Variants in SAMTOR observed in about 807,000 individuals in gnomAD.
SAMTOR encodes the protein S-adenosylmethionine sensor upstream of mTORC1, also known as UPF0532 protein C7orf60.
chr7:112,912,072 A>G, the SAMTOR span, among the ~76,000 whole-genome samples: 1 of 84,184 alleles, frequency 1.2e-5, no homozygotes, highest in East Asian at 2.3e-4. Context: ...TTTTGAAGAC[A>G]GAAAAATCTG....
the SAMTOR span, among the ~76,000 whole-genome samples, chr7:112,900,294 A>C: frequency 0.39 from 58,894 of 151,974 alleles, 13,645 homozygotes; most frequent in African/African-American, 0.65. Context: ...TGGTCCAAGT[A>C]CAAAAAGGCT....
the SAMTOR span, among the ~76,000 whole-genome samples, chr7:112,877,240 C>G: frequency 6.6e-6 from 1 of 152,160 alleles, no homozygotes; most frequent in Non-Finnish European, 1.5e-5. Context: ...CAGATGTGGA[C>G]TTTACTTCCA....
At chr7:112,893,234 G>A in the SAMTOR span, among the ~76,000 whole-genome samples, 10,091 of 152,276 alleles carry the variant, frequency 0.066, 506 homozygotes, top group Non-Finnish European at 0.1. Context: ...ACTCCTAAAA[G>A]GCGCCTTCTT....
the SAMTOR span, among the ~76,000 whole-genome samples, chr7:112,839,570 T>C: frequency 4.6e-5 from 7 of 151,892 alleles, no homozygotes; most frequent in Admixed American, 4.6e-4. Context: ...GAGAACCCAA[T>C]ATCACCTATG....
At chr7:112,924,199 TA>T in the SAMTOR span, among the ~76,000 whole-genome samples, 5 of 150,198 alleles carry the variant, frequency 3.3e-5, no homozygotes, top group South Asian at 2.1e-4. Context: ...ATAATAATAA[TA>T]AAAAAAAGAA....
At chr7:112,939,775 G>T in the SAMTOR span, 2 of 1,539,654 alleles carry the variant, frequency 1.3e-6, no homozygotes, top group Non-Finnish European at 1.8e-6. Flanking sequence ...CGCCGCCGCC[G>T]CCCCTCAGGC....
At chr7:112,869,513 A>G in the SAMTOR span, among the ~76,000 whole-genome samples, 1 of 152,124 alleles carries the variant, frequency 6.6e-6, no homozygotes, top group African/African-American at 2.4e-5. Context: ...ATGAAATCAA[A>G]TGATCATATT....
At chr7:112,881,565 C>T in the SAMTOR span, among the ~76,000 whole-genome samples, 2 of 152,178 alleles carry the variant, frequency 1.3e-5, no homozygotes, top group Non-Finnish European at 2.9e-5. Context: ...CAGGTCTCCT[C>T]GACTCATTGG....
At chr7:112,923,389 C>CT in the SAMTOR span, among the ~76,000 whole-genome samples, 8 of 152,108 alleles carry the variant, frequency 5.3e-5, no homozygotes, top group African/African-American at 1.9e-4. Flanking sequence ...CCTTTGTTCA[C>CT]TTGTTTATCT....
chr7:112,918,976 T>C, the SAMTOR span, among the ~76,000 whole-genome samples: 2 of 152,154 alleles, frequency 1.3e-5, no homozygotes, highest in African/African-American at 4.8e-5. Context: ...CAAAGAGACT[T>C]AGACTCCCAC....
chr7:112,919,711 TAAAG>T, the SAMTOR span, among the ~76,000 whole-genome samples: 1 of 150,402 alleles, frequency 6.6e-6, no homozygotes, highest in East Asian at 1.9e-4. Context: ...GCAAGACTAA[TAAAG>T]AAGAAAAGAG....
the SAMTOR span, among the ~76,000 whole-genome samples, chr7:112,848,235 A>C: frequency 6.6e-6 from 1 of 152,194 alleles, no homozygotes; most frequent in Non-Finnish European, 1.5e-5. Context: ...AGCTATTGAA[A>C]CTTTCTCAGT....
the SAMTOR span, among the ~76,000 whole-genome samples, chr7:112,851,673 A>G: frequency 6.6e-6 from 1 of 152,170 alleles, no homozygotes; most frequent in African/African-American, 2.4e-5. Flanking sequence ...GGGACTTAAA[A>G]GCTTCTGCAC....
chr7:112,925,311 CT>C, the SAMTOR span, among the ~76,000 whole-genome samples: 1 of 151,998 alleles, frequency 6.6e-6, no homozygotes, highest in Non-Finnish European at 1.5e-5. Context: ...TCTAGAAGGC[CT>C]TTTTTTGAAC....
At chr7:112,835,813 T>C in the SAMTOR span, among the ~76,000 whole-genome samples, 6 of 152,232 alleles carry the variant, frequency 3.9e-5, no homozygotes, top group Admixed American at 6.5e-5. Context: ...AAGGACATGA[T>C]TTCATTCTTT....
the SAMTOR span, among the ~76,000 whole-genome samples, chr7:112,911,990 C>T: frequency 6.6e-6 from 1 of 151,410 alleles, no homozygotes; most frequent in Non-Finnish European, 1.5e-5. Flanking sequence ...AGAATTGTAA[C>T]CACCAAATGC....
At chr7:112,853,369 T>C in the SAMTOR span, among the ~76,000 whole-genome samples, 21 of 152,302 alleles carry the variant, frequency 1.4e-4, no homozygotes, top group Non-Finnish European at 2.4e-4. Context: ...TTTAACTCAA[T>C]ATTGTCTTTT....
the SAMTOR span, chr7:112,822,412 G>A: frequency 6.6e-7 from 1 of 1,514,336 alleles, no homozygotes; most frequent in South Asian, 1.3e-5. Context: ...AGAACTTCAA[G>A]ATTATTTCCA....
At chr7:112,910,739 C>G in the SAMTOR span, among the ~76,000 whole-genome samples, 1 of 151,968 alleles carries the variant, frequency 6.6e-6, no homozygotes, top group Non-Finnish European at 1.5e-5. Context: ...CTGAATCAAT[C>G]CTTTAGACCC....
Sources: gnomAD v4.1 joint callset for allele counts (sites outside exome capture counted in the v4.1 genomes callset) on GRCh38, gnomAD v4.1.1 for gene constraint, MANE v1.5 for transcripts, NCBI Gene and HGNC (gene_info 2026-07-23, HGNC 2026-07-21) for gene names.